Variants in FCGR2A observed in about 807,000 individuals in gnomAD.
The protein encoded by FCGR2A is Fc gamma receptor IIa, also known as low affinity immunoglobulin gamma Fc region receptor II-a.
In FCGR2A, 18 loss-of-function variants were observed where a neutral mutation model predicts 29.3. The observed-to-expected ratio is 0.62, with a 90% CI of 0.43 to 0.91. The LOEUF is 0.91. FCGR2A is among the 40% of genes least tolerant of loss of function. FCGR2A has a pLI of 0.00. For synonymous variants in FCGR2A, 126 were observed against 144.8 expected (o/e 0.87, Z 0.93); for missense variants, 287 against 393.0 (o/e 0.73, Z 2.28).
At chr1:161,510,311 G>A in intron 4 of FCGR2A, 9 of 749,486 alleles carry the variant, frequency 1.2e-5, no homozygotes, top group Non-Finnish European at 1.8e-5. Context: ...TGAAATGTAG[G>A]CCCCAGACTA....
At chr1:161,505,656 G>A (rs567320431) in intron 1 of FCGR2A, 104 bp downstream of exon 1, 4 of 954,344 alleles carry the variant, frequency 4.2e-6, no homozygotes, top group Non-Finnish European at 6.8e-6. Context: ...GGAAGCAGGG[G>A]ATAGATTGAA....
rs772627576 is a variant in FCGR2A at position 161,518,150 on chromosome 1, G to A, written c.*2G>A. On this transcript the variant is annotated 3_prime_UTR_variant, in exon 7 of 7. Coordinates refer to ENST00000271450, the MANE Select transcript of FCGR2A (RefSeq NM_001136219.3). ...GACCATGTCAACAGTAATAACTAAA[G>A]AGTAACGTTATGCCATGTGGTCATA... 6.2e-6 allele frequency: 10 copies of A among 1,613,210 alleles called. No individual in the cohort carries two copies. In the East Asian group the frequency reaches 2.2e-4, roughly 36 times the overall value.
downstream of FCGR2A, chr1:161,519,951 G>A (rs1676387257): frequency 1.3e-5 from 2 of 151,906 alleles, no homozygotes; most frequent in Non-Finnish European, 1.5e-5. Context: ...AGTCATTCCA[G>A]GCAGATTAGA....
intron 4 of FCGR2A, 114 bp downstream of exon 4, chr1:161,510,188 T>C (rs1675676503): frequency 5.8e-6 from 9 of 1,540,046 alleles, no homozygotes; most frequent in Non-Finnish European, 7.9e-6. Context: ...AATTGGGCAC[T>C]GGAGCAAAGA....
downstream of FCGR2A, chr1:161,523,840 A>AG (rs1553198368): frequency 6.6e-6 from 1 of 151,950 alleles, no homozygotes; most frequent in Non-Finnish European, 1.5e-5. Context: ...TCGGAAAAAA[A>AG]TGAAAGTGCA....
At chr1:161,506,692 A>C in intron 3 of FCGR2A, 101 bp downstream of exon 3, 1 of 1,547,412 alleles carries the variant, frequency 6.5e-7, no homozygotes, top group Non-Finnish European at 8.8e-7. Flanking sequence ...TGGACTGCTT[A>C]CTGGGAAGCA....
chr1:161,518,001 C>A lies in FCGR2A; in HGVS notation c.807C>A (p.Ile269=). 1 of 1,613,826 alleles carries A rather than the reference C, an allele frequency of 6.2e-7. No individual in the cohort carries two copies. Among genetic ancestry groups the A allele is most frequent in the Non-Finnish European group, 8.5e-7 (1 of 1,179,794 alleles). The stretch of plus-strand genomic sequence containing the variant: ...CACCTGGACGTCAAATGATTGCCAT[C>A]AGAAAGAGACAACTTGAAGAAACCA... ...FEPPGRQMIA[I]RKRQLEETNN... Residue 269 remains isoleucine, a synonymous_variant, in exon 7 of 7, where the codon ATC becomes ATA. Coordinates refer to ENST00000271450, the MANE Select transcript of FCGR2A (RefSeq NM_001136219.3).
chr1:161,505,870 A>C, intron 1 of FCGR2A, 117 bp from the exon 2 acceptor site: 2 of 953,986 alleles, frequency 2.1e-6, no homozygotes, highest in South Asian at 2.6e-5. Context: ...CAGGATCTTG[A>C]GATGGGTCCT....
At chr1:161,505,808 G>T in intron 1 of FCGR2A, 179 bp from the exon 2 acceptor site, 1 of 729,912 alleles carries the variant, frequency 1.4e-6, no homozygotes, top group South Asian at 1.6e-5. Context: ...AACAGGAAAT[G>T]AGATAAAGGG....
chr1:161,511,203 C>T (rs1433691368), intron 5 of FCGR2A, among the ~76,000 whole-genome samples: 1 of 152,178 alleles, frequency 6.6e-6, no homozygotes, highest in Non-Finnish European at 1.5e-5. Flanking sequence ...AGTAACAGCA[C>T]ACAAACAGGG....
chr1:161,513,770 G>A, intron 5 of FCGR2A, 125 bp from the exon 6 acceptor site: 1 of 1,398,222 alleles, frequency 7.2e-7, no homozygotes, highest in Non-Finnish European at 1.0e-6. Flanking sequence ...GGCCTTACAG[G>A]ACTGTGTCAA....
At chr1:161,521,456 A>T (rs563683347), downstream of FCGR2A, among the ~76,000 whole-genome samples, 128 of 151,750 alleles carry the variant, frequency 8.4e-4, 1 homozygote, top group African/African-American at 2.9e-3. Flanking sequence ...CAGACAGGTG[A>T]AATGACTTGT....
chr1:161,510,135 C>T, intron 4 of FCGR2A, 61 bp downstream of exon 4: 1 of 1,601,268 alleles, frequency 6.2e-7, no homozygotes, highest in Non-Finnish European at 8.5e-7. Flanking sequence ...GGGCTGAGGT[C>T]ACATGGGCCT....
At chr1:161,517,422 G>A (rs1222654424) in intron 6 of FCGR2A, among the ~76,000 whole-genome samples, 1 of 152,104 alleles carries the variant, frequency 6.6e-6, no homozygotes, top group African/African-American at 2.4e-5. Context: ...ACAGAAAAAG[G>A]TCTGAAGAAA....
At chr1:161,522,097 G>A (rs1231545551), downstream of FCGR2A, among the ~76,000 whole-genome samples, 6 of 152,092 alleles carry the variant, frequency 3.9e-5, no homozygotes, top group African/African-American at 1.4e-4. Context: ...CCAAAGCTGT[G>A]GAAGGTAGAG....
downstream of FCGR2A, chr1:161,523,199 C>G (rs183275114): frequency 1.3e-5 from 2 of 152,202 alleles, no homozygotes; most frequent in South Asian, 2.1e-4. Context: ...GAGAGGGGGT[C>G]GATTCCCCGA....
chr1:161,514,308 T>C (rs1676007318), intron 6 of FCGR2A, among the ~76,000 whole-genome samples: 1 of 149,974 alleles, frequency 6.7e-6, no homozygotes, highest in Non-Finnish European at 1.5e-5. Flanking sequence ...CCTATCAAAT[T>C]TCTTTATTTT....
chr1:161,506,660 G>C, intron 3 of FCGR2A, 69 bp downstream of exon 3: 17 of 1,599,718 alleles, frequency 1.1e-5, no homozygotes, highest in Non-Finnish European at 1.4e-5. Flanking sequence ...TACAGACAGA[G>C]GTTTGCAGGA....
chr1:161,505,581 A>C, intron 1 of FCGR2A, 29 bp downstream of exon 1: 2 of 1,539,862 alleles, frequency 1.3e-6, no homozygotes, highest in Non-Finnish European at 1.8e-6. Context: ...GAAATGGGGC[A>C]ATTTCAGACA....
Sources: allele counts gnomAD v4.1 joint callset (sites outside exome capture counted in the v4.1 genomes callset), GRCh38; gene constraint gnomAD v4.1.1; transcripts MANE v1.5; gene names NCBI Gene and HGNC (gene_info 2026-07-23, HGNC 2026-07-21).